The following FBXO34 variants were observed in gnomAD, a reference collection of about 807,000 sequenced individuals.
The protein encoded by FBXO34 is F-box only protein 34.
A neutral mutation model predicts 24.5 loss-of-function variants in FBXO34; 12 were observed. That is an observed-to-expected ratio of 0.49 (90% CI 0.31 to 0.79). FBXO34 has a LOEUF of 0.79. FBXO34 is among the 30% of genes least tolerant of loss of function. The pLI, the probability that FBXO34 is intolerant of heterozygous loss-of-function variation, is 0.04. For synonymous variants in FBXO34, 320 were observed against 311.9 expected, an observed-to-expected ratio of 1.03 and a Z score of -0.27; for missense variants, 823 against 857.7, an observed-to-expected ratio of 0.96 and a Z score of 0.51.
downstream of FBXO34, chr14:55,366,259 T>C (rs1455980179): frequency 6.6e-6 from 1 of 152,618 alleles, no homozygotes; most frequent in Non-Finnish European, 1.5e-5. Flanking sequence ...CATTTTTTCT[T>C]ACCTGGCAAA....
intron 1 of FBXO34, among the ~76,000 whole-genome samples, chr14:55,349,369 A>C (rs775693521): frequency 1.1e-4 from 17 of 152,138 alleles, no homozygotes; most frequent in Non-Finnish European, 2.5e-4. Context: ...GCCAAGGACC[A>C]AAACAAGGCA....
the FBXO34 span, among the ~76,000 whole-genome samples, chr14:55,439,747 G>A: frequency 1.3e-5 from 2 of 151,632 alleles, no homozygotes; most frequent in Admixed American, 1.3e-4. Context: ...TGGCTAACAC[G>A]GTGAAACACT....
intron 1 of FBXO34, among the ~76,000 whole-genome samples, chr14:55,312,041 A>T (rs547364310): frequency 6.6e-6 from 1 of 152,044 alleles, no homozygotes; most frequent in Admixed American, 6.6e-5. Flanking sequence ...TTCTACTAAA[A>T]ATACAAAAAT....
chr14:55,378,609 CCCTT>C, the FBXO34 span, among the ~76,000 whole-genome samples: 1 of 152,130 alleles, frequency 6.6e-6, no homozygotes, highest in Non-Finnish European at 1.5e-5. Context: ...CTGCCTCCCT[CCCTT>C]CCTCCCTCCC....
downstream of FBXO34, among the ~76,000 whole-genome samples, chr14:55,363,576 A>C (rs548558035): frequency 1.3e-5 from 2 of 151,910 alleles, no homozygotes; most frequent in South Asian, 4.2e-4. Context: ...TGATCCACCC[A>C]CCTTCGTCTC....
chr14:55,410,255 T>C, the FBXO34 span, among the ~76,000 whole-genome samples: 2 of 152,210 alleles, frequency 1.3e-5, no homozygotes, highest in East Asian at 1.9e-4. Context: ...TTCTGGACTT[T>C]AGAGAAGACT....
chr14:55,333,394 G>T (rs1446414293), intron 1 of FBXO34, among the ~76,000 whole-genome samples: 1 of 152,154 alleles, frequency 6.6e-6, no homozygotes, highest in African/African-American at 2.4e-5. Context: ...TTGGGTATCA[G>T]ATTCTCCTTT....
At chr14:55,310,828 A>G (rs535966859) in intron 1 of FBXO34, among the ~76,000 whole-genome samples, 42 of 152,176 alleles carry the variant, frequency 2.8e-4, no homozygotes, top group African/African-American at 8.4e-4. Context: ...TATGATGACC[A>G]TCATCCAGTT....
chr14:55,405,896 G>GA, the FBXO34 span, among the ~76,000 whole-genome samples: 7 of 151,920 alleles, frequency 4.6e-5, no homozygotes, highest in Admixed American at 4.6e-4. Context: ...TGGCGGGGGG[G>GA]GCAGGGGAAG....
the FBXO34 span, among the ~76,000 whole-genome samples, chr14:55,442,388 CAAA>C: frequency 0.029 from 4,051 of 138,420 alleles, 158 homozygotes; most frequent in African/African-American, 0.096. Context: ...GACTCTGTCT[CAAA>C]AAAAAAAAAA....
At chr14:55,278,648 TA>T (rs987763891) in intron 1 of FBXO34, among the ~76,000 whole-genome samples, 1 of 152,210 alleles carries the variant, frequency 6.6e-6, no homozygotes, top group African/African-American at 2.4e-5. Context: ...CTAGTTACAT[TA>T]AAATGTAGTT....
the FBXO34 span, among the ~76,000 whole-genome samples, chr14:55,384,190 T>C: frequency 6.6e-6 from 1 of 152,200 alleles, no homozygotes; most frequent in African/African-American, 2.4e-5. Context: ...TGGCATATAA[T>C]AACATACACT....
intron 1 of FBXO34, among the ~76,000 whole-genome samples, chr14:55,326,952 C>A (rs1883361047): frequency 6.6e-6 from 1 of 151,714 alleles, no homozygotes; most frequent in African/African-American, 2.4e-5. Flanking sequence ...TGGCAGTGAA[C>A]AAAACTAAGT....
downstream of FBXO34, chr14:55,369,599 T>C (rs2140114592): frequency 1.4e-6 from 2 of 1,472,296 alleles, no homozygotes; most frequent in African/African-American, 1.4e-5. Flanking sequence ...GCAGATTTGG[T>C]ATGTTTTGGT....
chr14:55,435,667 G>A, the FBXO34 span, among the ~76,000 whole-genome samples: 2 of 152,122 alleles, frequency 1.3e-5, no homozygotes, highest in South Asian at 4.1e-4. Flanking sequence ...GCTTTATTCA[G>A]CATAAAGAAT....
In FBXO34 at chr14:55,277,627, C is replaced by A. The variant is rs73281273; in HGVS notation, c.-11+6090C>A. On this transcript the variant is annotated intron_variant, in intron 1 of 1. Coordinates refer to ENST00000313833, the MANE Select transcript of FBXO34 (RefSeq NM_017943.4). ...GATCCTCAGCCTTCTGAGTAACTGGCATGTACCACGGGCTTAGTCTGGGTT... is the reference window on the plus strand; with the variant it reads ...GATCCTCAGCCTTCTGAGTAACTGGAATGTACCACGGGCTTAGTCTGGGTT... Among the ~76,000 whole-genome samples, 1,162 of 152,228 alleles carry A rather than the reference C, an allele frequency of 7.6e-3. 15 individuals carry two copies. The highest frequency in any genetic ancestry group is 0.027 in the African/African-American group (1,117 of 41,520).
At chr14:55,329,333 G>A (rs183673241) in intron 1 of FBXO34, among the ~76,000 whole-genome samples, 1 of 152,164 alleles carries the variant, frequency 6.6e-6, no homozygotes, top group Admixed American at 6.5e-5. Context: ...GGTAATGGAT[G>A]AGATCAGACA....
chr14:55,271,708 G>A (rs1256452982), intron 1 of FBXO34, among the ~76,000 whole-genome samples, 171 bp downstream of exon 1: 2 of 150,732 alleles, frequency 1.3e-5, no homozygotes, highest in African/African-American at 4.8e-5. Context: ...TAGGGACCCG[G>A]CCGCCTGCGC....
At chr14:55,392,799 C>T in the FBXO34 span, among the ~76,000 whole-genome samples, 4 of 152,100 alleles carry the variant, frequency 2.6e-5, no homozygotes, top group Admixed American at 6.5e-5. Flanking sequence ...TGGTAAGAGA[C>T]ACAGAACAGA....
Sources: gnomAD v4.1 joint callset for allele counts (sites outside exome capture counted in the v4.1 genomes callset) on GRCh38, gnomAD v4.1.1 for gene constraint, MANE v1.5 for transcripts, NCBI Gene and HGNC (gene_info 2026-07-23, HGNC 2026-07-21) for gene names.